The following RPS6 variants were observed in gnomAD, a reference collection of about 807,000 sequenced individuals.
The protein encoded by RPS6 is small ribosomal subunit protein eS6.
A neutral mutation model predicts 27.1 loss-of-function variants in RPS6; 1 was observed. The observed-to-expected ratio is 0.04, with a 90% CI of 0.01 to 0.18. The LOEUF (loss-of-function observed/expected upper bound fraction) is 0.18. Ranked by LOEUF, RPS6 falls within the 10% of genes least tolerant of loss-of-function variation. The pLI is 1.00. For missense variants in RPS6, 259 were observed against 319.1 expected (o/e 0.81, Z 1.44); for synonymous variants, 152 against 106.0 (o/e 1.43, Z -2.66).
chr9:19,379,166 T>TA, intron 2 of RPS6: 2 of 858,376 alleles, frequency 2.3e-6, no homozygotes, highest in Non-Finnish European at 3.5e-6. Context: ...ACTAAGAAGA[T>TA]AAAATATCAA....
At chr9:19,377,123 T>G (rs1829601447) in intron 4 of RPS6, among the ~76,000 whole-genome samples, 1 of 152,250 alleles carries the variant, frequency 6.6e-6, no homozygotes, top group South Asian at 2.1e-4. Flanking sequence ...AGTATCTTCA[T>G]TAATCTGATC....
Position 19,378,764 on chromosome 9 carries a change from C to T in RPS6, c.293G>A (p.Arg98His), listed in dbSNP as rs745520931. ...RTGERKRKSVRGCIVDANLSV... is the reference protein window; with the variant it reads ...RTGERKRKSVHGCIVDANLSV... ...CAGATTTGCATCCACAATGCAACCA[C>T]GAACTGATTTTCTCTTTCTTTCTCC... The change falls in exon 3 of 6, where the codon CGT becomes CAT. Residue 98 changes from arginine (R) to histidine (H), a missense_variant. Transcript: ENST00000380394. 14 of 1,614,042 alleles carry T rather than the reference C, an allele frequency of 8.7e-6. No individual in the cohort carries two copies. The highest frequency in any genetic ancestry group is 1.2e-5 in the Non-Finnish European group (14 of 1,180,036).
At chr9:19,378,633 A>G in intron 3 of RPS6, 75 bp downstream of exon 3, 4 of 1,574,442 alleles carry the variant, frequency 2.5e-6, no homozygotes, top group Admixed American at 3.4e-5. Context: ...AAGTCTGGAT[A>G]CTGCAAATGA....
chr9:19,379,282 G>C lies in RPS6; in HGVS notation c.138+205C>G, dbSNP rs1259254871. Reference sequence around the variant, plus strand: ...CATGATGCAGGGCAAGAATTATGTTGATGTAAACTTTACGTATATTTTATG... The same window carrying C: ...CATGATGCAGGGCAAGAATTATGTTCATGTAAACTTTACGTATATTTTATG... On this transcript the variant is annotated intron_variant, in intron 2 of 5. Transcript: ENST00000380394. The C allele has an allele frequency of 5.5e-6, 8 of 1,464,074 alleles. No homozygotes were observed. In the African/African-American group the frequency reaches 1.1e-4, roughly 21 times the overall value. The allele number at this position is 1,464,074 out of a possible 1,614,324, so 90.7% of individuals were successfully genotyped here.
At chr9:19,380,057 G>A (rs1829653792) in intron 1 of RPS6, 133 bp downstream of exon 1, 2 of 1,590,720 alleles carry the variant, frequency 1.3e-6, no homozygotes, top group South Asian at 2.2e-5. Context: ...CCAGAAAGGC[G>A]AGCCTTCTCC....
In RPS6 at chr9:19,380,211, C is replaced by T; in HGVS notation, c.-16G>A. ...CTACCTTCATCTTGAAGCAGCTGAA[C>T]GCCTCCGAGGCGCCACGGAAAAGAG... On this transcript the variant is annotated 5_prime_UTR_variant, in exon 1 of 6. Transcript: ENST00000380394. 2 of 1,613,452 alleles carry T rather than the reference C, an allele frequency of 1.2e-6. No homozygotes were observed. The highest frequency in any genetic ancestry group is 1.7e-6 in the Non-Finnish European group (2 of 1,179,378).
chr9:19,376,882 C>G lies in RPS6; in HGVS notation c.497-231G>C, dbSNP rs917838459. ...GGGAAACCAAGTCCTGAAAAATAAC[C>G]AGGCTAACTTTTACTACCTTCCAGT... On this transcript the variant is annotated intron_variant, in intron 4 of 5. Coordinates refer to ENST00000380394, the MANE Select transcript of RPS6 (RefSeq NM_001010.3). 2.9e-5 allele frequency: 12 copies of G among 411,350 alleles called. No homozygotes were observed. In the Admixed American group the frequency reaches 4.9e-4, roughly 17 times the overall value. The allele number at this position is 411,350 out of a possible 1,614,324, so 25.5% of individuals were successfully genotyped here. A position where few individuals can be genotyped will look rare whatever the true frequency, so the allele number is the denominator to read the frequency against.
At chr9:19,377,048 G>A (rs182563420) in intron 4 of RPS6, among the ~76,000 whole-genome samples, 2 of 152,188 alleles carry the variant, frequency 1.3e-5, no homozygotes, top group East Asian at 3.9e-4. Context: ...TATTTCCTTT[G>A]ACAATTCCTG....
Position 19,380,220 on chromosome 9 carries a change from G to A in RPS6, c.-25C>T, listed in dbSNP as rs753446607. On this transcript the variant is annotated 5_prime_UTR_variant, in exon 1 of 6. Transcript: ENST00000380394. ...TCTTGAAGCAGCTGAACGCCTCCGA[G>A]GCGCCACGGAAAAGAGGGCCAACTT... The A allele has an allele frequency of 9.3e-6, 15 of 1,613,190 alleles. No homozygotes were observed. Among genetic ancestry groups the A allele is most frequent in the Admixed American group, 8.3e-5 (5 of 59,998 alleles).
At chr9:19,379,698 C>A in intron 1 of RPS6, 80 bp from the exon 2 acceptor site, 1 of 1,523,068 alleles carries the variant, frequency 6.6e-7, no homozygotes, top group Non-Finnish European at 8.8e-7. Context: ...GTTAATTCCA[C>A]TGCAAAAAGC....
chr9:19,378,836 C>T lies in RPS6; in HGVS notation c.221G>A (p.Arg74His). 2 of 1,614,184 alleles carry T rather than the reference C, an allele frequency of 1.2e-6. No individual in the cohort carries two copies. Among genetic ancestry groups the T allele is most frequent in the East Asian group, 2.2e-5 (1 of 44,892 alleles). Reference sequence around the variant, plus strand: ...GGAATGCCCCTTACTCAGTAGCAGGCGGACACGGCCATGGGTCAAGACACC... The same window carrying T: ...GGAATGCCCCTTACTCAGTAGCAGGTGGACACGGCCATGGGTCAAGACACC... The part of the protein sequence containing the change: ...KQGVLTHGRV[R>H]LLLSKGHSCY... The change falls in exon 3 of 6, where the codon CGC (arginine) becomes CAC (histidine). Residue 74 changes from arginine to histidine, a missense_variant. Arg to His is a conservative substitution (Grantham distance 29, BLOSUM62 0). Around this residue, in one of 3 missense-constraint regions of RPS6, gnomAD observed 191 missense variants for 231.6 expected, o/e 0.82. Coordinates refer to ENST00000380394, the MANE Select transcript of RPS6 (RefSeq NM_001010.3).
rs1392656789 is a variant in RPS6 at position 19,380,064 on chromosome 9, C to G, written c.6+126G>C. On this transcript the variant is annotated intron_variant, in intron 1 of 5. Coordinates refer to ENST00000380394, the MANE Select transcript of RPS6 (RefSeq NM_001010.3). ...TCCATGCCCCAGAAAGGCGAGCCTT[C>G]TCCTACTTGAGACCCTTCTCCACCT... 5.6e-6 allele frequency: 9 copies of G among 1,600,316 alleles called. No individual in the cohort carries two copies. The East Asian group carries it at 2.0e-4, about 36-fold the overall frequency.
Position 19,376,323 on chromosome 9 carries a change from A to C in RPS6, c.720T>G (p.Ser240=), listed in dbSNP as rs1442581700. 1 of 1,614,048 alleles carries C rather than the reference A, an allele frequency of 6.2e-7. No individual in the cohort carries two copies. The highest frequency in any genetic ancestry group is 1.1e-5 in the South Asian group (1 of 91,070). Residue 240 remains serine (S), a synonymous_variant, in exon 6 of 6, where the codon TCT becomes TCG. Transcript: ENST00000380394. ...TCTGACTGGATTCAGACTTAGAAGT[A>C]GAAGCTCGCAGAGAGGAAAGTCTGC... The part of the protein sequence containing the change: ...KRRRLSSLRA[S]TSKSESSQK
chr9:19,376,717 A>C (rs1455174286), intron 4 of RPS6, 66 bp from the exon 5 acceptor site: 4 of 1,492,170 alleles, frequency 2.7e-6, no homozygotes, highest in Non-Finnish European at 3.6e-6. Flanking sequence ...TACTTTAAAA[A>C]CATCAGAAAT....
At position 19,378,387 on chromosome 9, in the gene RPS6, T is replaced by G; in HGVS notation, c.477A>C (p.Arg159Ser). 6.2e-7 allele frequency: 1 copy of G among 1,612,798 alleles called. No individual in the cohort carries two copies. Among genetic ancestry groups the G allele is most frequent in the Non-Finnish European group, 8.5e-7 (1 of 1,179,982 alleles). The part of the protein sequence containing the change: ...KEDDVRQYVV[R>S]KPLNKEGKKP... ...TCCTACCTTCTTTATTTAAGGGCTTTCTTACAACATACTGGCGGACATCAT... is the reference window on the plus strand; with the variant it reads ...TCCTACCTTCTTTATTTAAGGGCTTGCTTACAACATACTGGCGGACATCAT... The change falls in exon 4 of 6, where the codon AGA becomes AGC. Residue 159 changes from arginine to serine, a missense_variant. Physicochemically the swap from Arg to Ser is moderately radical, Grantham distance 110. Transcript: ENST00000380394.
At chr9:19,379,049 G>A in intron 2 of RPS6, 131 bp from the exon 3 acceptor site, 1 of 944,336 alleles carries the variant, frequency 1.1e-6, no homozygotes, top group African/African-American at 1.7e-5. Flanking sequence ...ACTTAAGCAC[G>A]TTTTCTCTGT....
Position 19,376,135 on chromosome 9 carries a change from A to G in RPS6, c.*158T>C, listed in dbSNP as rs1398660865. Reference sequence around the variant, plus strand: ...GACCTTGTCTTCCACTACCACACACAATAGGTCTGACTTTATCCACCATTG... The same window carrying G: ...GACCTTGTCTTCCACTACCACACACGATAGGTCTGACTTTATCCACCATTG... On this transcript the variant is annotated 3_prime_UTR_variant, in exon 6 of 6. Coordinates refer to ENST00000380394, the MANE Select transcript of RPS6 (RefSeq NM_001010.3). 3.1e-6 allele frequency: 2 copies of G among 653,608 alleles called. No homozygotes were observed. Among genetic ancestry groups the G allele is most frequent in the Non-Finnish European group, 5.2e-6 (2 of 385,938 alleles). The allele number at this position is 653,608 out of a possible 1,614,324, so 40.5% of individuals were successfully genotyped here. A position where few individuals can be genotyped will look rare whatever the true frequency, so the allele number is the denominator to read the frequency against.
chr9:19,376,406 G>A lies in RPS6; in HGVS notation c.655-18C>T. The A allele has an allele frequency of 3.1e-6, 5 of 1,613,466 alleles. No homozygotes were observed. The highest frequency in any genetic ancestry group is 4.2e-6 in the Non-Finnish European group (5 of 1,179,688). On this transcript the variant is annotated intron_variant, in intron 5 of 5. Transcript: ENST00000380394. ...TTAGCCTCCTAAACAAAACAAAACA[G>A]CAAACAGTTAAGGCCTTTCTGGGTT...
intron 3 of RPS6, 44 bp from the exon 4 acceptor site, chr9:19,378,558 T>G: frequency 2.5e-6 from 4 of 1,602,576 alleles, no homozygotes; most frequent in Non-Finnish European, 3.4e-6. Context: ...ACAACTTCCT[T>G]AAGAATCCTA....
Sources: allele counts gnomAD v4.1 joint callset (sites outside exome capture counted in the v4.1 genomes callset), GRCh38; gene constraint gnomAD v4.1.1; regional missense constraint gnomAD v4.1.1; transcripts MANE v1.5; gene names NCBI Gene and HGNC (gene_info 2026-07-23, HGNC 2026-07-21).